Variants in SNTG1 observed in about 807,000 individuals in gnomAD.
The protein encoded by SNTG1 is syntrophin gamma 1, also known as gamma-1-syntrophin.
Under a neutral mutation model 74.7 loss-of-function variants are expected in SNTG1, and 39 were observed. The observed-to-expected ratio is 0.52, with a 90% CI of 0.40 to 0.68. The LOEUF (loss-of-function observed/expected upper bound fraction) is 0.68, where lower values mean the gene tolerates loss of function less well. Ranked by LOEUF, SNTG1 falls within the 30% of genes least tolerant of loss-of-function variation. SNTG1 has a pLI of 0.00. For synonymous variants in SNTG1, 254 were observed against 217.1 expected (o/e 1.17, Z -1.49); for missense variants, 685 against 609.5 (o/e 1.12, Z -1.30).
At chr8:50,079,499 C>T (rs1219944646) in intron 1 of SNTG1, among the ~76,000 whole-genome samples, 1 of 151,578 alleles carries the variant, frequency 6.6e-6, no homozygotes, top group East Asian at 1.9e-4. Context: ...AACATTTTCT[C>T]TCCTTCTGTA....
chr8:50,694,031 A>G (rs531934569), intron 15 of SNTG1, among the ~76,000 whole-genome samples: 88 of 152,214 alleles, frequency 5.8e-4, no homozygotes, highest in African/African-American at 2.0e-3. Context: ...TAAGCAACCT[A>G]ATGTTACACC....
chr8:50,635,075 AC>A (rs1037448899), intron 13 of SNTG1, among the ~76,000 whole-genome samples: 17 of 152,002 alleles, frequency 1.1e-4, no homozygotes, highest in Admixed American at 3.9e-4. Flanking sequence ...CAAGAGTCTC[AC>A]CCCATTTTAA....
At chr8:49,978,300 A>T (rs1473556995) in intron 1 of SNTG1, among the ~76,000 whole-genome samples, 1 of 152,110 alleles carries the variant, frequency 6.6e-6, no homozygotes, top group African/African-American at 2.4e-5. Flanking sequence ...AGAGGAGAGG[A>T]GAGGGAAGAA....
intron 4 of SNTG1, among the ~76,000 whole-genome samples, chr8:50,416,045 A>G (rs1209107260): frequency 6.6e-6 from 1 of 152,152 alleles, no homozygotes; most frequent in South Asian, 2.1e-4. Context: ...TTATTTTTAC[A>G]ATGTCAATGC....
chr8:50,300,874 AACAC>A lies in SNTG1; in HGVS notation c.-27-93337_-27-93334del, dbSNP rs2089614939. 2.6e-5 allele frequency among the ~76,000 whole-genome samples: 4 copies of A among 152,236 alleles called. No individual in the cohort carries two copies. In the South Asian group the frequency reaches 8.3e-4, roughly 32 times the overall value. On this transcript the variant is annotated intron_variant, in intron 2 of 18. Transcript: ENST00000642720. ...TCAGTTGACGTTTTTATTTTCTTTT[AACAC>A]TTTAAAAACATCCTTCTGCTGCCTT...
chr8:50,743,103 CAAA>C (rs35053014), intron 17 of SNTG1, among the ~76,000 whole-genome samples: 4 of 133,426 alleles, frequency 3.0e-5, no homozygotes, highest in Non-Finnish European at 4.9e-5. Flanking sequence ...AAATTCTTAC[CAAA>C]AAAAAAAAAA....
intron 2 of SNTG1, among the ~76,000 whole-genome samples, chr8:50,301,334 C>T (rs2089634763): frequency 6.6e-6 from 1 of 152,040 alleles, no homozygotes; most frequent in South Asian, 2.1e-4. Flanking sequence ...TCTATTCTAG[C>T]AGCTCATATA....
rs5891365 is a variant in SNTG1, at chr8:50,442,680, T to TAAAAAAA, written c.219+4102_219+4108dup. Reference sequence around the variant, plus strand: ...TTCTTTGTATTAATTTGTCTATCAGTAAAAAAAAAAAAAAAAAAAAAAAAA... The same window carrying TAAAAAAA: ...TTCTTTGTATTAATTTGTCTATCAGTAAAAAAAAAAAAAAAAAAAAAAAAAAAAAAAA... On this transcript the variant is annotated intron_variant, in intron 5 of 18. Coordinates refer to ENST00000642720, the MANE Select transcript of SNTG1 (RefSeq NM_018967.5). 2.4e-3 allele frequency among the ~76,000 whole-genome samples: 197 copies of TAAAAAAA among 81,158 alleles called. 4 individuals carry two copies. The highest frequency in any genetic ancestry group is 9.4e-3 in the African/African-American group (184 of 19,642). 53.2% of individuals were successfully genotyped at this position (81,158 alleles called of 152,430 possible).
chr8:50,349,130 T>C (rs9298312), intron 2 of SNTG1, among the ~76,000 whole-genome samples: 17,934 of 152,264 alleles, frequency 0.12, 1,099 homozygotes, highest in Middle Eastern at 0.15. Flanking sequence ...TCTTACTATA[T>C]GATGAATACA....
chr8:50,497,634 G>A (rs2131925831), intron 8 of SNTG1, among the ~76,000 whole-genome samples: 1 of 152,054 alleles, frequency 6.6e-6, no homozygotes, highest in South Asian at 2.1e-4. Flanking sequence ...AAATAGGGCA[G>A]AATTGTTATC....
At chr8:50,432,847 A>G (rs1041947877) in intron 4 of SNTG1, among the ~76,000 whole-genome samples, 2 of 151,486 alleles carry the variant, frequency 1.3e-5, no homozygotes, top group Non-Finnish European at 2.9e-5. Flanking sequence ...GCTGGAGTGC[A>G]GTGGCACAGT....
At chr8:50,161,681 A>C (rs562169745) in intron 1 of SNTG1, among the ~76,000 whole-genome samples, 2 of 152,122 alleles carry the variant, frequency 1.3e-5, no homozygotes, top group Admixed American at 6.5e-5. Context: ...CCTTGAGTGC[A>C]TGAGGTAAGT....
At chr8:50,060,604 A>G (rs1325575477) in intron 1 of SNTG1, among the ~76,000 whole-genome samples, 1 of 151,980 alleles carries the variant, frequency 6.6e-6, no homozygotes, top group East Asian at 1.9e-4. Flanking sequence ...ACTATGTTGA[A>G]TCAAAGCGGT....
intron 10 of SNTG1, among the ~76,000 whole-genome samples, chr8:50,535,369 T>C (rs2094300172): frequency 6.6e-6 from 1 of 152,166 alleles, no homozygotes; most frequent in Non-Finnish European, 1.5e-5. Flanking sequence ...GCTGACCACC[T>C]GTACAGCTGA....
chr8:50,230,461 T>A (rs1319095693), intron 2 of SNTG1, among the ~76,000 whole-genome samples: 1 of 151,364 alleles, frequency 6.6e-6, no homozygotes, highest in Non-Finnish European at 1.5e-5. Flanking sequence ...TTAGATAATA[T>A]GGATCAATTA....
At chr8:50,711,930 A>C (rs1310365601) in intron 17 of SNTG1, among the ~76,000 whole-genome samples, 4 of 152,220 alleles carry the variant, frequency 2.6e-5, no homozygotes, top group Admixed American at 2.0e-4. Flanking sequence ...ATGTCAAAGT[A>C]TAATGTTAAC....
At chr8:49,995,244 A>C (rs1445437266) in intron 1 of SNTG1, among the ~76,000 whole-genome samples, 1 of 152,234 alleles carries the variant, frequency 6.6e-6, no homozygotes, top group Non-Finnish European at 1.5e-5. Context: ...AAATGAAAAA[A>C]AGAAAGGACA....
At chr8:50,232,469 A>C (rs1400877119) in intron 2 of SNTG1, among the ~76,000 whole-genome samples, 8 of 151,438 alleles carry the variant, frequency 5.3e-5, no homozygotes, top group Non-Finnish European at 1.0e-4. Flanking sequence ...AAATAGAAAA[A>C]CTACAGCTAA....
At chr8:50,260,510 A>AAC (rs10649962) in intron 2 of SNTG1, among the ~76,000 whole-genome samples, 86,588 of 143,466 alleles carry the variant, frequency 0.6, 27,948 homozygotes, top group East Asian at 0.86. Context: ...TCCAGCTTTT[A>AAC]ACACACACAC....
Sources: gnomAD v4.1 joint callset for allele counts (sites outside exome capture counted in the v4.1 genomes callset) on GRCh38, gnomAD v4.1.1 for gene constraint, MANE v1.5 for transcripts, NCBI Gene and HGNC (gene_info 2026-07-23, HGNC 2026-07-21) for gene names.